C3orf20: variants seen among roughly 807,000 people sequenced by gnomAD.
The protein encoded by C3orf20 is family with sequence similarity 149 member C.
A neutral mutation model predicts 88.3 loss-of-function variants in C3orf20; 76 were observed. The ratio of observed to expected loss-of-function variants is 0.86; its 90% confidence interval spans 0.72 to 1.04. The LOEUF (loss-of-function observed/expected upper bound fraction) is 1.04. Ranked by LOEUF, C3orf20 falls within the 50% of genes least tolerant of loss-of-function variation. The pLI, the probability that C3orf20 is intolerant of heterozygous loss-of-function variation, is 0.00. For synonymous variants in C3orf20, 436 were observed against 437.4 expected (o/e 1.00, Z 0.04); for missense variants, 1,056 against 1,123.3 (o/e 0.94, Z 0.86).
Position 14,701,246 on chromosome 3 carries a change from A to G in C3orf20, c.746-1884A>G, listed in dbSNP as rs2033248829. ...GTGGCAGATACCAGAGATGGTTCCC[A>G]AGCACTGGCCAGAAACCCCCAGGCT... On this transcript the variant is annotated intron_variant, in intron 5 of 16. Transcript: ENST00000253697. This position sits in a 1 kb window ranked among gnomAD's most constrained non-coding sequence, Gnocchi z 4.6. Among the ~76,000 whole-genome samples the G allele has an allele frequency of 6.6e-6, 1 of 152,146 alleles. No individual in the cohort carries two copies. Among genetic ancestry groups the G allele is most frequent in the Non-Finnish European group, 1.5e-5 (1 of 68,020 alleles).
intron 12 of C3orf20, 132 bp from the exon 13 acceptor site, chr3:14,757,239 A>T: frequency 1.4e-6 from 1 of 715,438 alleles, no homozygotes; most frequent in Non-Finnish European, 2.3e-6. Context: ...GTGGTGCAGC[A>T]CATTGGCAGC....
Position 14,682,680 on chromosome 3 carries a change from C to G in C3orf20, c.-34C>G. 1 of 1,569,686 alleles carries G rather than the reference C, an allele frequency of 6.4e-7. No homozygotes were observed. Among genetic ancestry groups the G allele is most frequent in the Non-Finnish European group, 8.6e-7 (1 of 1,158,824 alleles). ...AGAACTTTTGCTCTCAGTCACCTCT[C>G]AGAGAGCTCTCTTTATAGCTGAAGG... On this transcript the variant is annotated 5_prime_UTR_variant, in exon 3 of 17. Transcript: ENST00000253697.
Position 14,728,421 on chromosome 3 carries a change from A to T in C3orf20, c.1691-18A>T. 1 of 1,613,066 alleles carries T rather than the reference A, an allele frequency of 6.2e-7. No homozygotes were observed. The highest frequency in any genetic ancestry group is 1.7e-5 in the Admixed American group (1 of 59,998). On this transcript the variant is annotated intron_variant, in intron 11 of 16. Transcript: ENST00000253697. ...CTGGCCATGAAGGGAAAATGACAGC[A>T]GCATCTTCTGTTAACAGGTCTGTTT...
chr3:14,751,127 G>T (rs907328755), intron 12 of C3orf20, among the ~76,000 whole-genome samples: 2 of 152,098 alleles, frequency 1.3e-5, no homozygotes, highest in South Asian at 4.1e-4. Context: ...TAGAATTTCT[G>T]ATTGATTACT....
At chr3:14,720,533 G>GGTTGTT (rs199995038) in intron 9 of C3orf20, among the ~76,000 whole-genome samples, 59 of 149,246 alleles carry the variant, frequency 4.0e-4, no homozygotes, top group East Asian at 1.2e-3. Flanking sequence ...AGCAGAGAGT[G>GGTTGTT]GTTGTTGTTG....
intron 5 of C3orf20, among the ~76,000 whole-genome samples, chr3:14,700,442 T>C (rs117744387): frequency 6.6e-6 from 1 of 152,192 alleles, no homozygotes; most frequent in Non-Finnish European, 1.5e-5. Flanking sequence ...TTATCATAGG[T>C]GTGCATGTAA....
intron 5 of C3orf20, among the ~76,000 whole-genome samples, chr3:14,697,313 A>G (rs981820890): frequency 2.0e-5 from 3 of 151,818 alleles, no homozygotes; most frequent in Admixed American, 2.0e-4. Flanking sequence ...TAACTCTTAA[A>G]TTTGCCCTTT....
chr3:14,764,690 G>A (rs1441972285), intron 15 of C3orf20, among the ~76,000 whole-genome samples: 1 of 152,132 alleles, frequency 6.6e-6, no homozygotes, highest in Non-Finnish European at 1.5e-5. Flanking sequence ...GGTCAGTGTG[G>A]ACTGTCAGCC....
chr3:14,767,621 G>T (rs2035751267), intron 15 of C3orf20, among the ~76,000 whole-genome samples: 1 of 152,214 alleles, frequency 6.6e-6, no homozygotes, highest in African/African-American at 2.4e-5. Context: ...GCAAAGCCCT[G>T]TGTAAACTTT....
At chr3:14,725,844 G>A (rs1027316870) in intron 10 of C3orf20, among the ~76,000 whole-genome samples, 9 of 148,880 alleles carry the variant, frequency 6.0e-5, no homozygotes, top group Non-Finnish European at 1.3e-4. Context: ...TCAAGTTGCT[G>A]AATGAGTTTA....
intron 12 of C3orf20, among the ~76,000 whole-genome samples, chr3:14,748,523 T>G (rs1225559138): frequency 2.6e-5 from 4 of 152,170 alleles, no homozygotes; most frequent in South Asian, 2.1e-4. Flanking sequence ...TTCTTCTTCT[T>G]CTGCTTTAAG....
At chr3:14,698,662 G>A (rs2033115615) in intron 5 of C3orf20, among the ~76,000 whole-genome samples, 1 of 152,216 alleles carries the variant, frequency 6.6e-6, no homozygotes, top group South Asian at 2.1e-4. Context: ...TGGAGCTGGG[G>A]ATGGGGTTAC....
chr3:14,754,883 G>A (rs894844408), intron 12 of C3orf20, among the ~76,000 whole-genome samples: 1 of 151,804 alleles, frequency 6.6e-6, no homozygotes, highest in African/African-American at 2.4e-5. Flanking sequence ...TGCCACCATG[G>A]CTGGCTAATT....
intron 7 of C3orf20, among the ~76,000 whole-genome samples, chr3:14,713,769 A>G (rs921212899): frequency 6.6e-6 from 1 of 152,342 alleles, no homozygotes; most frequent in Admixed American, 6.5e-5. Context: ...AGAGGAAGAT[A>G]ATACTACCTA....
rs2035563159 is a variant in C3orf20, at chr3:14,761,538, G to C, written c.2418G>C (p.Gln806His). Residue 806 changes from glutamine (Q) to histidine (H), a missense_variant, in exon 15 of 17, where the codon CAG (glutamine) becomes CAC (histidine). Physicochemically the swap from Gln to His is conservative, Grantham distance 24. Transcript: ENST00000253697. ...TGAATGGATATGGCCTCAGCAAGCA[G>C]AATCTGCTGAAACAGATCTTCCGGT... ...RVLNGYGLSK[Q>H]NLLKQIFRSQ... The C allele has an allele frequency of 4.3e-6, 7 of 1,613,962 alleles. No homozygotes were observed. The highest frequency in any genetic ancestry group is 5.1e-6 in the Non-Finnish European group (6 of 1,179,904).
intron 11 of C3orf20, 58 bp downstream of exon 11, chr3:14,727,082 T>G: frequency 6.3e-7 from 1 of 1,592,960 alleles, no homozygotes; most frequent in Non-Finnish European, 8.6e-7. Flanking sequence ...GTCCTGAGAT[T>G]CTGGCAGGTC....
At chr3:14,682,490 G>T (rs2032145109) in intron 2 of C3orf20, 88 bp from the exon 3 acceptor site, 3 of 578,104 alleles carry the variant, frequency 5.2e-6, no homozygotes, top group East Asian at 5.8e-5. Flanking sequence ...CTCTCTGATG[G>T]TGTCTCTGGG....
intron 12 of C3orf20, among the ~76,000 whole-genome samples, chr3:14,733,480 T>G (rs2034605622): frequency 6.6e-6 from 1 of 152,216 alleles, no homozygotes; most frequent in Non-Finnish European, 1.5e-5. Context: ...GTGGACTTTG[T>G]GTACATATGG....
chr3:14,748,454 C>T lies in C3orf20; in HGVS notation c.1941-8917C>T, dbSNP rs371692155. Among the ~76,000 whole-genome samples the T allele has an allele frequency of 3.3e-5, 5 of 152,024 alleles. No individual in the cohort carries two copies. The East Asian group carries it at 5.8e-4, about 18-fold the overall frequency. On this transcript the variant is annotated intron_variant, in intron 12 of 16. Transcript: ENST00000253697. The stretch of plus-strand genomic sequence containing the variant: ...GGTTTATCTATTCTTTATTTATTTA[C>T]CTTGACTGACTCCAATCATTATTAT...
Sources: gnomAD v4.1 joint callset for allele counts (sites outside exome capture counted in the v4.1 genomes callset) on GRCh38, gnomAD v4.1.1 for gene constraint, Gnocchi (gnomAD v3.1) non-coding constraint, MANE v1.5 for transcripts, NCBI Gene and HGNC (gene_info 2026-07-23, HGNC 2026-07-21) for gene names.